The following TNRC6B variants were observed in gnomAD, a reference collection of about 807,000 sequenced individuals.
TNRC6B encodes the protein trinucleotide repeat containing adaptor 6B.
In TNRC6B, 52 loss-of-function variants were observed where a neutral mutation model predicts 203.6. The ratio of observed to expected loss-of-function variants is 0.26; its 90% CI spans 0.20 to 0.32. TNRC6B has a LOEUF of 0.32. Ranked by LOEUF, TNRC6B falls within the 10% of genes least tolerant of loss-of-function variation. The pLI is 1.00. For missense variants in TNRC6B, 1,923 were observed against 2,286.2 expected, an observed-to-expected ratio of 0.84 and a Z score of 3.24; for synonymous variants, 838 against 845.7, an observed-to-expected ratio of 0.99 and a Z score of 0.16.
chr22:40,216,726 A>T (rs2069640468), intron 1 of TNRC6B, among the ~76,000 whole-genome samples: 1 of 152,238 alleles, frequency 6.6e-6, no homozygotes, highest in South Asian at 2.1e-4. Context: ...AATACTGACA[A>T]GGAGCCAAAC....
At chr22:40,263,714 T>G (rs754606125) in intron 4 of TNRC6B, among the ~76,000 whole-genome samples, 2 of 152,228 alleles carry the variant, frequency 1.3e-5, no homozygotes, top group African/African-American at 2.4e-5. Context: ...AAATATATGG[T>G]GAGCCAGACT....
At chr22:40,105,520 A>G (rs1323963339) in intron 1 of TNRC6B, among the ~76,000 whole-genome samples, 1 of 152,074 alleles carries the variant, frequency 6.6e-6, no homozygotes, top group East Asian at 1.9e-4. Context: ...TGTAAACATT[A>G]TAGTTTTGCC....
At chr22:40,151,848 AAG>A (rs1215875961) in intron 3 of TNRC6B, among the ~76,000 whole-genome samples, 5 of 141,798 alleles carry the variant, frequency 3.5e-5, no homozygotes, top group East Asian at 2.0e-4. Context: ...AAAATGAAGA[AAG>A]AGAAAGAAAA....
At chr22:40,069,405 C>G (rs1484495941) in intron 1 of TNRC6B, among the ~76,000 whole-genome samples, 3 of 151,854 alleles carry the variant, frequency 2.0e-5, no homozygotes, top group South Asian at 4.1e-4. Context: ...TGCACCTGGC[C>G]TAAAAGTTGT....
rs188361271 is a variant in TNRC6B, at chr22:40,266,581, G to T, written c.2351G>T (p.Gly784Val). Residue 784 changes from glycine (G) to valine (V), a missense_variant, in exon 5 of 23, where the codon GGT (glycine) becomes GTT (valine). By Grantham distance (109) the Gly-to-Val change is moderately radical. Around this residue, in one of 8 missense-constraint regions of TNRC6B, gnomAD observed 599 missense variants for 656.5 expected, o/e 0.91. Coordinates refer to ENST00000454349, the MANE Select transcript of TNRC6B (RefSeq NM_001162501.2). Reference sequence around the variant, plus strand: ...GGGCAGAATGAAATCGGGACTTGGGGTAATGGTGGCAATGCAAGCCTAGCT... The same window carrying T: ...GGGCAGAATGAAATCGGGACTTGGGTTAATGGTGGCAATGCAAGCCTAGCT... The part of the protein sequence containing the change: ...EGGQNEIGTW[G>V]NGGNASLASK... 217 of 1,613,342 alleles carry T rather than the reference G, an allele frequency of 1.3e-4. No homozygotes were observed. Among genetic ancestry groups the T allele is most frequent in the Middle Eastern group, 3.3e-4 (2 of 6,060 alleles).
rs2071449508 is a variant in TNRC6B at position 40,330,152 on chromosome 22, C to T, written c.*6911C>T. 6.6e-6 allele frequency: 1 copy of T among 152,330 alleles called. No individual in the cohort carries two copies. The highest frequency in any genetic ancestry group is 2.4e-5 in the African/African-American group (1 of 41,574). 9.4% of individuals were successfully genotyped at this position (152,330 alleles called of 1,614,324 possible). On this transcript the variant is annotated 3_prime_UTR_variant, in exon 23 of 23. Coordinates refer to ENST00000454349, the MANE Select transcript of TNRC6B (RefSeq NM_001162501.2). ...ATTCCCAATTATAATTGACCCATAT[C>T]TAGCCAATATCAACAAGTTGGGATG...
chr22:40,182,137 C>T (rs544127075), intron 1 of TNRC6B, among the ~76,000 whole-genome samples: 4 of 151,588 alleles, frequency 2.6e-5, no homozygotes, highest in Non-Finnish European at 5.9e-5. Flanking sequence ...CCCAGCTACT[C>T]GGGAGGCTGA....
At chr22:40,122,014 T>C (rs2068451260) in intron 2 of TNRC6B, among the ~76,000 whole-genome samples, 2 of 152,244 alleles carry the variant, frequency 1.3e-5, no homozygotes, top group South Asian at 4.1e-4. Flanking sequence ...GTCCTGGCCT[T>C]AACAGAAGCC....
At chr22:40,192,802 A>G (rs1442390816) in intron 1 of TNRC6B, among the ~76,000 whole-genome samples, 1 of 152,182 alleles carries the variant, frequency 6.6e-6, no homozygotes, top group Non-Finnish European at 1.5e-5. Flanking sequence ...GATGAACAGC[A>G]GGGGTAGAAG....
intron 1 of TNRC6B, chr22:40,106,510 G>T: frequency 1.4e-6 from 1 of 739,240 alleles, no homozygotes; most frequent in Non-Finnish European, 2.5e-6. Context: ...TCCTCCAGCA[G>T]ATGATGCCAT....
rs747179821 is a variant in TNRC6B, at chr22:40,253,248, A to AT, written c.115+2063dup. Reference sequence around the variant, plus strand: ...AGGCACCCGCCACCATGCCCGGCTAATTTTTTTTTTTTTTTGTATTTTTAG... The same window carrying AT: ...AGGCACCCGCCACCATGCCCGGCTAATTTTTTTTTTTTTTTTGTATTTTTAG... On this transcript the variant is annotated intron_variant, in intron 3 of 22. Coordinates refer to ENST00000454349, the MANE Select transcript of TNRC6B (RefSeq NM_001162501.2). Among the ~76,000 whole-genome samples the AT allele has an allele frequency of 7.8e-3, 1,080 of 138,350 alleles. 7 individuals are homozygous for AT. Among genetic ancestry groups the AT allele is most frequent in the African/African-American group, 0.022 (851 of 37,830 alleles). 90.8% of individuals were successfully genotyped at this position (138,350 alleles called of 152,430 possible).
intron 2 of TNRC6B, among the ~76,000 whole-genome samples, chr22:40,122,727 A>G (rs1014091028): frequency 6.6e-6 from 1 of 152,186 alleles, no homozygotes; most frequent in Non-Finnish European, 1.5e-5. Context: ...ATCACTGGGG[A>G]TCGGACCCTG....
chr22:40,287,269 A>G (rs2070799095), intron 12 of TNRC6B, among the ~76,000 whole-genome samples: 1 of 152,212 alleles, frequency 6.6e-6, no homozygotes, highest in Non-Finnish European at 1.5e-5. Context: ...TCAGCCTCCC[A>G]AAGCACTGGG....
intron 1 of TNRC6B, among the ~76,000 whole-genome samples, chr22:40,207,419 ATATATATAT>A (rs1569020923): frequency 4.2e-5 from 3 of 71,664 alleles, no homozygotes; most frequent in African/African-American, 1.8e-4. Context: ...AAAAAAAAAA[ATATATATAT>A]ATATATATAT....
At chr22:40,320,998 C>T in intron 21 of TNRC6B, 92 bp from the exon 22 acceptor site, 2 of 1,474,386 alleles carry the variant, frequency 1.4e-6, no homozygotes. Flanking sequence ...AAAATGGGCA[C>T]ACTAGGTCTC....
chr22:40,197,177 C>G (rs761418576), intron 1 of TNRC6B, among the ~76,000 whole-genome samples: 7 of 152,100 alleles, frequency 4.6e-5, no homozygotes, highest in Non-Finnish European at 1.0e-4. Context: ...TTATGGTGTC[C>G]TCAGCACTGC....
At chr22:40,122,780 C>T (rs1301208750) in intron 2 of TNRC6B, among the ~76,000 whole-genome samples, 2 of 152,160 alleles carry the variant, frequency 1.3e-5, no homozygotes, top group Non-Finnish European at 1.5e-5. Context: ...GTGAGTTGGT[C>T]ATCTCCATGT....
At position 40,321,072 on chromosome 22, in the gene TNRC6B, A is replaced by T. The variant is rs1389429283; in HGVS notation, c.4975-18A>T. The T allele has an allele frequency of 3.7e-6, 6 of 1,613,102 alleles. No individual in the cohort carries two copies. The Admixed American group carries it at 8.3e-5, about 22-fold the overall frequency. ...CCCCACCTCCAGTCTTTATCTCATGAATGTCATTACTCCTTAGATTGATGG... is the reference window on the plus strand; with the variant it reads ...CCCCACCTCCAGTCTTTATCTCATGTATGTCATTACTCCTTAGATTGATGG... On this transcript the variant is annotated intron_variant, in intron 21 of 22. Coordinates refer to ENST00000454349, the MANE Select transcript of TNRC6B (RefSeq NM_001162501.2).
At chr22:40,154,872 T>C (rs1300866088) in intron 3 of TNRC6B, among the ~76,000 whole-genome samples, 1 of 42,696 alleles carries the variant, frequency 2.3e-5, no homozygotes, top group Non-Finnish European at 3.9e-5. Flanking sequence ...TATATATATA[T>C]ATATATATAT....
Sources: allele counts gnomAD v4.1 joint callset (sites outside exome capture counted in the v4.1 genomes callset), GRCh38; gene constraint gnomAD v4.1.1; regional missense constraint gnomAD v4.1.1; transcripts MANE v1.5; gene names NCBI Gene and HGNC (gene_info 2026-07-23, HGNC 2026-07-21).